Variants in LRRC45 observed in about 807,000 individuals in gnomAD.
LRRC45 encodes leucine rich repeat containing 45, also known as leucine-rich repeat-containing protein 45.
Under a neutral mutation model 85.4 loss-of-function variants are expected in LRRC45, and 73 were observed. That is an observed-to-expected ratio of 0.85 (90% CI 0.71 to 1.04). The LOEUF (loss-of-function observed/expected upper bound fraction) is 1.04. Among genes scored for constraint, LRRC45 ranks in the 50% least tolerant of loss-of-function variants. The probability of loss-of-function intolerance (pLI) is 0.00; values close to 1 mark genes in which losing one functional copy is unlikely to be tolerated. For missense variants in LRRC45, 937 were observed against 883.3 expected (o/e 1.06, Z -0.77); for synonymous variants, 429 against 386.0 (o/e 1.11, Z -1.31).
chr17:82,027,892 G>A, intron 8 of LRRC45, 119 bp from the exon 9 acceptor site: 5 of 1,507,466 alleles, frequency 3.3e-6, no homozygotes, highest in East Asian at 2.3e-5. Flanking sequence ...AAGCCTTCCT[G>A]GAGGAGGCGG....
In LRRC45 at chr17:82,025,166, C is replaced by A. The variant is rs1459998402; in HGVS notation, c.520C>A (p.Leu174Ile). Residue 174 changes from leucine to isoleucine, a missense_variant, in exon 4 of 17, where the codon CTC (leucine) becomes ATC (isoleucine). By Grantham distance (5) the Leu-to-Ile change is conservative. Coordinates refer to ENST00000306688, the MANE Select transcript of LRRC45 (RefSeq NM_144999.4). Reference sequence around the variant, plus strand: ...CCTAGCCCTGAAGGGCAACACCACCCTCCAGCAGCTGGGTGAGGCCTCCCA... The same window carrying A: ...CCTAGCCCTGAAGGGCAACACCACCATCCAGCAGCTGGGTGAGGCCTCCCA... Reference protein sequence around the residue: ...LALALKGNTTLQQLDLRWNNV... With the variant: ...LALALKGNTTIQQLDLRWNNV... 13 of 1,597,192 alleles carry A rather than the reference C, an allele frequency of 8.1e-6. No homozygotes were observed. Among genetic ancestry groups the A allele is most frequent in the Non-Finnish European group, 1.0e-5 (12 of 1,170,586 alleles).
chr17:82,030,563 C>A, intron 16 of LRRC45, 46 bp from the exon 17 acceptor site: 1 of 1,475,500 alleles, frequency 6.8e-7, no homozygotes, highest in Non-Finnish European at 9.0e-7. Flanking sequence ...GGCCGTGCCA[C>A]GGTGCGCTGG....
chr17:82,029,258 G>A (rs1026350756), intron 13 of LRRC45, 73 bp downstream of exon 13: 114 of 1,407,234 alleles, frequency 8.1e-5, no homozygotes, highest in Non-Finnish European at 1.1e-4. Context: ...CCTGGTGTTC[G>A]CCGCCTCAGG....
intron 12 of LRRC45, 139 bp from the exon 13 acceptor site, chr17:82,028,954 C>A: frequency 1.2e-6 from 1 of 806,602 alleles, no homozygotes; most frequent in Non-Finnish European, 2.0e-6. Context: ...TAGTTTCCTG[C>A]TAGGCCATCT....
Position 82,023,669 on chromosome 17 carries a change from G to A in LRRC45, c.26G>A (p.Ser9Asn). The change falls in exon 1 of 17, where the codon AGC (serine) becomes AAC (asparagine). Residue 9 changes from serine to asparagine, a missense_variant. Physicochemically the swap from Ser to Asn is conservative, Grantham distance 46. Coordinates refer to ENST00000306688, the MANE Select transcript of LRRC45 (RefSeq NM_144999.4). MEEFRRSY[S>N]RLCRESGAEP... ...ATGGAGGAGTTCCGGCGCTCCTACAGCCGCCTGTGCAGGGAGAGTGGGGCC... is the reference window on the plus strand; with the variant it reads ...ATGGAGGAGTTCCGGCGCTCCTACAACCGCCTGTGCAGGGAGAGTGGGGCC... 1 of 1,546,402 alleles carries A rather than the reference G, an allele frequency of 6.5e-7. No individual in the cohort carries two copies. Among genetic ancestry groups the A allele is most frequent in the Non-Finnish European group, 8.7e-7 (1 of 1,152,024 alleles).
At position 82,029,535 on chromosome 17, in the gene LRRC45, CTG is replaced by C; in HGVS notation, c.1402-5_1402-4del. ...GGAGAACGGGCTGGCAGGTGGCCATCTGTGCAGGAGCTGAGCCGAGTGAAAGC... is the reference window on the plus strand; with the variant it reads ...GGAGAACGGGCTGGCAGGTGGCCATCTGCAGGAGCTGAGCCGAGTGAAAGC... On this transcript the variant is annotated splice_region_variant and splice_polypyrimidine_tract_variant and intron_variant, in intron 13 of 16. Transcript: ENST00000306688. The C allele has an allele frequency of 1.9e-6, 3 of 1,562,002 alleles. No homozygotes were observed. Among genetic ancestry groups the C allele is most frequent in the Non-Finnish European group, 1.7e-6 (2 of 1,154,758 alleles).
chr17:82,023,564 C>A lies in LRRC45; in HGVS notation c.-80C>A. 7.7e-7 allele frequency: 1 copy of A among 1,300,540 alleles called. No homozygotes were observed. Among genetic ancestry groups the A allele is most frequent in the African/African-American group, 1.5e-5 (1 of 66,188 alleles). 80.6% of individuals were successfully genotyped at this position (1,300,540 alleles called of 1,614,324 possible). A position where few individuals can be genotyped will look rare whatever the true frequency, so the allele number is the denominator to read the frequency against. On this transcript the variant is annotated 5_prime_UTR_variant, in exon 1 of 17. The change creates a new upstream start codon in the 5' untranslated region. Coordinates refer to ENST00000306688, the MANE Select transcript of LRRC45 (RefSeq NM_144999.4). The stretch of plus-strand genomic sequence containing the variant: ...GAGGCCCCGTCTCCTGTACCCGGCG[C>A]TGGGACTGCTCCGCACCGCGCGGCT...
chr17:82,025,653 G>A (rs1220806366), intron 5 of LRRC45, 146 bp downstream of exon 5: 1 of 1,094,694 alleles, frequency 9.1e-7, no homozygotes, highest in Non-Finnish European at 1.2e-6. Context: ...AGGGGTCGTG[G>A]GGCACCTGTT....
chr17:82,030,730 G>C lies in LRRC45; in HGVS notation c.1938G>C (p.Arg646Ser), dbSNP rs935346096. The part of the protein sequence containing the change: ...IARIRDEEAQ[R>S]ASFLQNAVLA... ...GCATCCGGGACGAGGAGGCCCAGAG[G>C]GCGAGCTTCCTGCAGAACGCCGTCC... The change falls in exon 17 of 17, where the codon AGG (arginine) becomes AGC (serine). Residue 646 changes from arginine to serine, a missense_variant. Arg to Ser is a moderately radical substitution (Grantham distance 110). Coordinates refer to ENST00000306688, the MANE Select transcript of LRRC45 (RefSeq NM_144999.4). The C allele has an allele frequency of 6.7e-7, 1 of 1,497,158 alleles. No homozygotes were observed. The highest frequency in any genetic ancestry group is 9.0e-7 in the Non-Finnish European group (1 of 1,113,168). The allele number at this position is 1,497,158 out of a possible 1,614,324, so 92.7% of individuals were successfully genotyped here. A position where few individuals can be genotyped will look rare whatever the true frequency, so the allele number is the denominator to read the frequency against.
intron 5 of LRRC45, among the ~76,000 whole-genome samples, chr17:82,026,416 C>A (rs931320704): frequency 3.3e-5 from 5 of 152,216 alleles, no homozygotes; most frequent in African/African-American, 9.6e-5. Flanking sequence ...AGCACTTCCA[C>A]CCCCATGCAC....
Position 82,023,839 on chromosome 17 carries a change from A to G in LRRC45, c.196A>G (p.Ser66Gly). Residue 66 changes from serine (S) to glycine (G), a missense_variant, in exon 1 of 17, where the codon AGT (serine) becomes GGT (glycine). Transcript: ENST00000306688. ...GACGCTGTGCACGGAGCTGGTCCTG[A>G]GTGACTGCATGCTCAGCGAGGAAGG... ...RETLCTELVL[S>G]DCMLSEEGAT... is the part of the protein sequence containing the mutation. 6.4e-7 allele frequency: 1 copy of G among 1,564,612 alleles called. No homozygotes were observed. Among genetic ancestry groups the G allele is most frequent in the East Asian group, 2.3e-5 (1 of 42,594 alleles).
intron 8 of LRRC45, 29 bp from the exon 9 acceptor site, chr17:82,027,982 G>A: frequency 2.5e-6 from 4 of 1,578,260 alleles, no homozygotes; most frequent in Non-Finnish European, 3.4e-6. Flanking sequence ...CTCCAACCGG[G>A]GCGGGGGTGC....
At chr17:82,024,034 G>T (rs559800222) in intron 1 of LRRC45, 171 bp downstream of exon 1, 7 of 718,528 alleles carry the variant, frequency 9.7e-6, no homozygotes, top group African/African-American at 1.8e-5. Context: ...TCTGTATGAC[G>T]GGGGAGAGGC....
intron 14 of LRRC45, among the ~76,000 whole-genome samples, 166 bp downstream of exon 14, chr17:82,029,801 G>T (rs1246747469): frequency 6.6e-6 from 1 of 152,240 alleles, no homozygotes; most frequent in Non-Finnish European, 1.5e-5. Context: ...CTTGGATCAG[G>T]GCCTGAGACG....
chr17:82,025,303 T>G, intron 4 of LRRC45, 76 bp from the exon 5 acceptor site: 1 of 1,525,994 alleles, frequency 6.6e-7, no homozygotes, highest in South Asian at 1.3e-5. Context: ...CAGTGCCCCC[T>G]AGGGAAGCAC....
chr17:82,030,952 G>A lies in LRRC45; in HGVS notation c.*147G>A. Reference sequence around the variant, plus strand: ...TGCGGCGACTGTTGGTGGTGTCGCGGCTGCGGGGGAACCCCGTGGGAGGCG... The same window carrying A: ...TGCGGCGACTGTTGGTGGTGTCGCGACTGCGGGGGAACCCCGTGGGAGGCG... On this transcript the variant is annotated 3_prime_UTR_variant, in exon 17 of 17. Coordinates refer to ENST00000306688, the MANE Select transcript of LRRC45 (RefSeq NM_144999.4). The A allele has an allele frequency of 1.7e-6, 1 of 576,142 alleles. No individual in the cohort carries two copies. The highest frequency in any genetic ancestry group is 2.6e-6 in the Non-Finnish European group (1 of 385,896). 35.7% of individuals were successfully genotyped at this position (576,142 alleles called of 1,614,324 possible).
At position 82,026,955 on chromosome 17, in the gene LRRC45, C is replaced by T. The variant is rs761654163; in HGVS notation, c.718C>T (p.Arg240Cys). The change falls in exon 6 of 17, where the codon CGC (arginine) becomes TGC (cysteine). Residue 240 changes from arginine (R) to cysteine (C), a missense_variant. Arg to Cys is a radical substitution (Grantham distance 180, BLOSUM62 -3). Transcript: ENST00000306688. ...RLTTFQENQA[R>C]THVLSKEVQH... is the part of the protein sequence containing the mutation. ...CACCACCTTCCAGGAGAACCAAGCC[C>T]GCACTCACGTCCTCAGCAAGGAGGT... The T allele has an allele frequency of 1.8e-5, 29 of 1,608,340 alleles. No individual in the cohort carries two copies. The highest frequency in any genetic ancestry group is 1.0e-4 in the Admixed American group (6 of 59,652).
chr17:82,024,724 C>T lies in LRRC45; in HGVS notation c.314C>T (p.Ala105Val), dbSNP rs894668143. 1.3e-6 allele frequency: 2 copies of T among 1,577,792 alleles called. No individual in the cohort carries two copies. Among genetic ancestry groups the T allele is most frequent in the Non-Finnish European group, 1.7e-6 (2 of 1,166,014 alleles). Residue 105 changes from alanine to valine, a missense_variant, in exon 3 of 17, where the codon GCT becomes GTT. Transcript: ENST00000306688. ...GNNLRAAGAEALGKLLQQNKS... is the reference protein window; with the variant it reads ...GNNLRAAGAEVLGKLLQQNKS... ...AACCTTCGGGCTGCAGGGGCCGAGG[C>T]TCTGGGAAAACTCCTCCAACAGAAC...
At chr17:82,024,534 C>A (rs959077877) in intron 2 of LRRC45, among the ~76,000 whole-genome samples, 159 bp from the exon 3 acceptor site, 2 of 152,156 alleles carry the variant, frequency 1.3e-5, no homozygotes, top group East Asian at 3.9e-4. Flanking sequence ...AACAAGCCGG[C>A]CCTTGGAAGC....
Sources: allele counts gnomAD v4.1 joint callset (sites outside exome capture counted in the v4.1 genomes callset), GRCh38; gene constraint gnomAD v4.1.1; transcripts MANE v1.5; gene names NCBI Gene and HGNC (gene_info 2026-07-23, HGNC 2026-07-21).